Variants in NCAM2 observed in about 807,000 individuals in gnomAD.
NCAM2 encodes the protein N-CAM-2.
A neutral mutation model predicts 98.1 loss-of-function variants in NCAM2; 30 were observed. The ratio of observed to expected loss-of-function variants is 0.31; its 90% CI spans 0.23 to 0.41. NCAM2 has a LOEUF of 0.41. NCAM2 is among the 10% of genes least tolerant of loss of function. NCAM2 has a pLI of 1.00. For synonymous variants in NCAM2, 368 were observed against 342.4 expected (o/e 1.07, Z -0.83); for missense variants, 867 against 1,005.8 (o/e 0.86, Z 1.87).
At chr21:21,467,785 G>C (rs13050723) in intron 13 of NCAM2, among the ~76,000 whole-genome samples, 60,092 of 151,362 alleles carry the variant, frequency 0.4, 13,343 homozygotes, top group Non-Finnish European at 0.51. Context: ...CCTGAGTCTG[G>C]GGAAGTCAAG....
At chr21:21,004,819 A>C (rs1408577051) in intron 1 of NCAM2, among the ~76,000 whole-genome samples, 2 of 152,112 alleles carry the variant, frequency 1.3e-5, no homozygotes, top group African/African-American at 4.8e-5. Flanking sequence ...AGGGAGTTTA[A>C]ATAACTAAGA....
At chr21:21,428,939 C>A (rs2077271184) in intron 11 of NCAM2, among the ~76,000 whole-genome samples, 1 of 152,114 alleles carries the variant, frequency 6.6e-6, no homozygotes, top group Admixed American at 6.6e-5. Flanking sequence ...TATCTGTATG[C>A]ATGTATAAAT....
chr21:21,048,448 G>C (rs2065041559), intron 1 of NCAM2, among the ~76,000 whole-genome samples: 1 of 151,982 alleles, frequency 6.6e-6, no homozygotes, highest in Non-Finnish European at 1.5e-5. Context: ...TGCCTCCAGG[G>C]TTCACGCCAT....
chr21:21,153,172 AT>A (rs1312165507), intron 1 of NCAM2, among the ~76,000 whole-genome samples: 4,198 of 139,270 alleles, frequency 0.03, 71 homozygotes, highest in Non-Finnish European at 0.038. Context: ...AAAATTCACT[AT>A]TTTTTTTTTT....
Position 21,338,427 on chromosome 21 carries a change from T to C in NCAM2, c.937T>C (p.Tyr313His). The change falls in exon 8 of 18, where the codon TAT becomes CAT. Residue 313 changes from tyrosine to histidine, a missense_variant. Physicochemically the swap from Tyr to His is moderately conservative, Grantham distance 83 (BLOSUM62 2). Coordinates refer to ENST00000400546, the MANE Select transcript of NCAM2 (RefSeq NM_004540.5). Reference protein sequence around the residue: ...HIIQLKNETTYENGQVTLVCD... With the variant: ...HIIQLKNETTHENGQVTLVCD... ...AATACAGCTTAAAAATGAAACTACATATGAGAATGGTCAAGTCACACTCGT... is the reference window on the plus strand; with the variant it reads ...AATACAGCTTAAAAATGAAACTACACATGAGAATGGTCAAGTCACACTCGT... 6.2e-7 allele frequency: 1 copy of C among 1,612,594 alleles called. No individual in the cohort carries two copies. The highest frequency in any genetic ancestry group is 8.5e-7 in the Non-Finnish European group (1 of 1,179,016).
chr21:21,280,136 A>G (rs1231160312), intron 1 of NCAM2, among the ~76,000 whole-genome samples: 4 of 151,102 alleles, frequency 2.6e-5, no homozygotes, highest in African/African-American at 7.3e-5. Context: ...TTCACAGACA[A>G]TTTTTAGTAG....
intron 1 of NCAM2, among the ~76,000 whole-genome samples, chr21:21,172,126 T>C (rs548642078): frequency 7.2e-5 from 11 of 152,104 alleles, no homozygotes; most frequent in African/African-American, 2.7e-4. Flanking sequence ...TTCTGTGTAG[T>C]CCCCTATTTA....
At chr21:21,029,538 C>G (rs992484854) in intron 1 of NCAM2, among the ~76,000 whole-genome samples, 1 of 152,206 alleles carries the variant, frequency 6.6e-6, no homozygotes, top group Admixed American at 6.6e-5. Flanking sequence ...GCATATGTCA[C>G]AATAGCATTG....
chr21:21,532,551 G>GC (rs1397034377), intron 16 of NCAM2, among the ~76,000 whole-genome samples: 2 of 151,918 alleles, frequency 1.3e-5, no homozygotes, highest in South Asian at 2.1e-4. Context: ...TTCTTAGTAA[G>GC]AAAAAGAATT....
Position 21,534,523 on chromosome 21 carries a change from C to A in NCAM2, c.2283-14C>A. 6.4e-7 allele frequency: 1 copy of A among 1,566,634 alleles called. No individual in the cohort carries two copies. The highest frequency in any genetic ancestry group is 8.7e-7 in the Non-Finnish European group (1 of 1,154,026). ...TAAATTACACAGGTGAGATGTTTCT[C>A]TTTATGTTTCTAGGAAAGATGGATC... On this transcript the variant is annotated splice_polypyrimidine_tract_variant and intron_variant, in intron 16 of 17. Coordinates refer to ENST00000400546, the MANE Select transcript of NCAM2 (RefSeq NM_004540.5).
rs1291781404 is a variant in NCAM2, at chr21:21,112,674, C to T, written c.55+114056C>T. On this transcript the variant is annotated intron_variant, in intron 1 of 17. Coordinates refer to ENST00000400546, the MANE Select transcript of NCAM2 (RefSeq NM_004540.5). ...CTATGAAGAGAAAACTTTTATCGGT[C>T]TGTCACCATCAGGCCTTATCACCCA... is the stretch of plus-strand genomic sequence containing the variant. Among the ~76,000 whole-genome samples the T allele has an allele frequency of 2.6e-5, 4 of 152,264 alleles. No individual in the cohort carries two copies. In the East Asian group the frequency reaches 5.8e-4, roughly 22 times the overall value.
intron 1 of NCAM2, among the ~76,000 whole-genome samples, chr21:21,242,294 AG>A (rs916177744): frequency 6.6e-6 from 1 of 152,172 alleles, no homozygotes; most frequent in African/African-American, 2.4e-5. Flanking sequence ...TATTAAATGA[AG>A]CTAATTAGCA....
intron 1 of NCAM2, among the ~76,000 whole-genome samples, chr21:21,113,123 C>CT (rs1048830557): frequency 9.8e-5 from 2 of 20,308 alleles, no homozygotes; most frequent in East Asian, 3.0e-3. Context: ...TGGAATATAG[C>CT]TTTCGGGGTT....
At chr21:21,151,428 T>C (rs1389429392) in intron 1 of NCAM2, among the ~76,000 whole-genome samples, 1 of 152,078 alleles carries the variant, frequency 6.6e-6, no homozygotes, top group Non-Finnish European at 1.5e-5. Context: ...TAATGGTTAT[T>C]AGGTAAAGTT....
Position 21,020,727 on chromosome 21 carries a change from G to T in NCAM2, c.55+22109G>T, listed in dbSNP as rs57312846. On this transcript the variant is annotated intron_variant, in intron 1 of 17. Transcript: ENST00000400546. ...CTCTAGTGATACCCCCAGCTAGTTC[G>T]GTAACAATATATTCTCTTCTAATGT... is the stretch of plus-strand genomic sequence containing the variant. Among the ~76,000 whole-genome samples the T allele has an allele frequency of 4.6e-5, 7 of 152,036 alleles. 1 individual carries two copies. The South Asian group carries it at 1.2e-3, about 27-fold the overall frequency.
chr21:21,515,440 C>G (rs1047802779), intron 16 of NCAM2, among the ~76,000 whole-genome samples: 18 of 152,106 alleles, frequency 1.2e-4, no homozygotes, highest in African/African-American at 4.3e-4. Flanking sequence ...AACCACTTGT[C>G]TTAAAATACA....
chr21:21,054,353 T>G (rs2065171963), intron 1 of NCAM2, among the ~76,000 whole-genome samples: 1 of 152,018 alleles, frequency 6.6e-6, no homozygotes, highest in Non-Finnish European at 1.5e-5. Context: ...CTCATTTACT[T>G]CAGTTTGTAA....
In NCAM2 at chr21:21,384,572, A is replaced by C. The variant is rs79141084; in HGVS notation, c.1195+10559A>C. Among the ~76,000 whole-genome samples the C allele has an allele frequency of 4.2e-4, 64 of 152,078 alleles. No homozygotes were observed. In the East Asian group the frequency reaches 0.012, roughly 28 times the overall value. ...CAAACTTTTGCTACATATAAGAATA[A>C]ATTTTTAACTTTAGCATGATACTGA... On this transcript the variant is annotated intron_variant, in intron 9 of 17. Coordinates refer to ENST00000400546, the MANE Select transcript of NCAM2 (RefSeq NM_004540.5).
chr21:21,416,135 A>C (rs936467250), intron 10 of NCAM2, among the ~76,000 whole-genome samples: 1 of 152,176 alleles, frequency 6.6e-6, no homozygotes, highest in Non-Finnish European at 1.5e-5. Context: ...ATGAACACCT[A>C]GAGACCATTG....
Sources: allele counts gnomAD v4.1 joint callset (sites outside exome capture counted in the v4.1 genomes callset), GRCh38; gene constraint gnomAD v4.1.1; transcripts MANE v1.5; gene names NCBI Gene and HGNC (gene_info 2026-07-23, HGNC 2026-07-21).